NKX1-1: variants seen among roughly 807,000 people sequenced by gnomAD.
The protein encoded by NKX1-1 is NK1 homeobox 1.
A neutral mutation model predicts 1.7 loss-of-function variants in NKX1-1; 7 were observed. The ratio of observed to expected loss-of-function variants is 4.22; its 90% CI spans 2.40 to 7.92. The LOEUF (loss-of-function observed/expected upper bound fraction) is 7.92. Ranked by LOEUF, NKX1-1 falls within the 30% of genes most tolerant of loss-of-function variation. The pLI is 0.00. For missense variants in NKX1-1, 453 were observed against 171.5 expected (o/e 2.64, Z -9.17); for synonymous variants, 242 against 85.3 (o/e 2.84, Z -10.13).
chr4:1,406,093 G>A lies in NKX1-1; in HGVS notation c.350C>T (p.Ala117Val). The A allele has an allele frequency of 3.6e-6, 2 of 555,342 alleles. No homozygotes were observed. Among genetic ancestry groups the A allele is most frequent in the South Asian group, 2.2e-5 (1 of 46,042 alleles). 34.4% of individuals were successfully genotyped at this position (555,342 alleles called of 1,614,324 possible). ...GGCGGCGGGTGCAGGGGCGCATGGG[G>A]CCGAAGCGCAAGGGGCGCACGCAGC... ...APAACAPCASAPCAPAPAASG... is the reference protein window; with the variant it reads ...APAACAPCASVPCAPAPAASG... Residue 117 changes from alanine to valine, a missense_variant, in exon 1 of 2, where the codon GCC (alanine) becomes GTC (valine). Physicochemically the swap from Ala to Val is moderately conservative, Grantham distance 64. Transcript: ENST00000422806.
chr4:1,403,838 C>G, intron 1 of NKX1-1, 23 bp from the exon 2 acceptor site: 2 of 628,566 alleles, frequency 3.2e-6, no homozygotes, highest in Non-Finnish European at 5.7e-6. Flanking sequence ...GGGACAAGGA[C>G]AGGGCAGGGC....
At chr4:1,404,351 C>G (rs999270958) in intron 1 of NKX1-1, among the ~76,000 whole-genome samples, 5 of 152,216 alleles carry the variant, frequency 3.3e-5, no homozygotes, top group African/African-American at 9.6e-5. Context: ...CGGAGCCGGC[C>G]GAGAGAATGG....
In NKX1-1 at chr4:1,403,638, C is replaced by A. The variant is rs1211563186; in HGVS notation, c.641G>T (p.Arg214Leu). 3.6e-6 allele frequency: 2 copies of A among 550,074 alleles called. No individual in the cohort carries two copies. The highest frequency in any genetic ancestry group is 3.8e-5 in the Admixed American group (1 of 26,086). The allele number at this position is 550,074 out of a possible 1,614,324, so 34.1% of individuals were successfully genotyped here. Residue 214 changes from arginine to leucine, a missense_variant, in exon 2 of 2, where the codon CGG becomes CTG. Physicochemically the swap from Arg to Leu is moderately radical, Grantham distance 102. Coordinates refer to ENST00000422806, the MANE Select transcript of NKX1-1 (RefSeq NM_001290079.1). ...TEAARGAEEA[R>L]GGGGGLGARG... The stretch of plus-strand genomic sequence containing the variant: ...GGCCCCGAGGCCGCCGCCGCCTCCC[C>A]GCGCCTCCTCCGCGCCTCGCGCCGC...
rs566842549 is a variant in NKX1-1, at chr4:1,403,403, C to G, written c.876G>C (p.Lys292Asn). ...PKRKRTGSDS[K>N]SGKPRRARTA... ...TGCGCGCTCGCCGCGGCTTCCCGGA[C>G]TTGGAGTCGGACCCCGTGCGCTTCC... The change falls in exon 2 of 2, where the codon AAG becomes AAC. Residue 292 changes from lysine (K) to asparagine (N), a missense_variant. Lys to Asn is a moderately conservative substitution (Grantham distance 94). Coordinates refer to ENST00000422806, the MANE Select transcript of NKX1-1 (RefSeq NM_001290079.1). The G allele has an allele frequency of 1.2e-4, 79 of 670,046 alleles. No individual in the cohort carries two copies. Among genetic ancestry groups the G allele is most frequent in the Non-Finnish European group, 1.9e-4 (70 of 371,992 alleles). 41.5% of individuals were successfully genotyped at this position (670,046 alleles called of 1,614,324 possible). A position where few individuals can be genotyped will look rare whatever the true frequency, so the allele number is the denominator to read the frequency against.
rs754211092 is a variant in NKX1-1 at position 1,403,420 on chromosome 4, T to C, written c.859A>G (p.Thr287Ala). The change falls in exon 2 of 2, where the codon ACG (threonine) becomes GCG (alanine). Residue 287 changes from threonine (T) to alanine (A), a missense_variant. Thr to Ala is a moderately conservative substitution (Grantham distance 58, BLOSUM62 0). Coordinates refer to ENST00000422806, the MANE Select transcript of NKX1-1 (RefSeq NM_001290079.1). ...TTCCCGGACTTGGAGTCGGACCCCGTGCGCTTCCGCTTGGGCTTCGCCGCC... is the reference window on the plus strand; with the variant it reads ...TTCCCGGACTTGGAGTCGGACCCCGCGCGCTTCCGCTTGGGCTTCGCCGCC... ...ATAAKPKRKR[T>A]GSDSKSGKPR... 92 of 651,888 alleles carry C rather than the reference T, an allele frequency of 1.4e-4. No homozygotes were observed. The highest frequency in any genetic ancestry group is 2.2e-4 in the Non-Finnish European group (78 of 360,990). The allele number at this position is 651,888 out of a possible 1,614,324, so 40.4% of individuals were successfully genotyped here. A position where few individuals can be genotyped will look rare whatever the true frequency, so the allele number is the denominator to read the frequency against.
At chr4:1,405,775 C>T (rs1720738672) in intron 1 of NKX1-1, among the ~76,000 whole-genome samples, 1 of 152,224 alleles carries the variant, frequency 6.6e-6, no homozygotes, top group South Asian at 2.1e-4. Context: ...CTAAGCTTCT[C>T]CAGAGGAGCC....
chr4:1,403,545 G>T lies in NKX1-1; in HGVS notation c.734C>A (p.Ala245Glu). 1 of 457,548 alleles carries T rather than the reference G, an allele frequency of 2.2e-6. No individual in the cohort carries two copies. The allele number at this position is 457,548 out of a possible 1,614,324, so 28.3% of individuals were successfully genotyped here. ...ASPGATVDEAAAPGPRENSPV... is the reference protein window; with the variant it reads ...ASPGATVDEAEAPGPRENSPV... The stretch of plus-strand genomic sequence containing the variant: ...CGAGTTCTCGCGGGGTCCGGGGGCC[G>T]CTGCCTCGTCGACGGTGGCTCCGGG... Residue 245 changes from alanine (A) to glutamate (E), a missense_variant, in exon 2 of 2, where the codon GCG becomes GAG. Ala to Glu is a moderately radical substitution (Grantham distance 107). Coordinates refer to ENST00000422806, the MANE Select transcript of NKX1-1 (RefSeq NM_001290079.1).
Position 1,403,398 on chromosome 4 carries a change from C to G in NKX1-1, c.881G>C (p.Gly294Ala). 1 of 677,306 alleles carries G rather than the reference C, an allele frequency of 1.5e-6. No homozygotes were observed. The highest frequency in any genetic ancestry group is 2.6e-6 in the Non-Finnish European group (1 of 377,670). 42.0% of individuals were successfully genotyped at this position (677,306 alleles called of 1,614,324 possible). ...GGCGGTGCGCGCTCGCCGCGGCTTC[C>G]CGGACTTGGAGTCGGACCCCGTGCG... The part of the protein sequence containing the change: ...RKRTGSDSKS[G>A]KPRRARTAFT... The change falls in exon 2 of 2, where the codon GGG (glycine) becomes GCG (alanine). Residue 294 changes from glycine to alanine, a missense_variant. Transcript: ENST00000422806.
Position 1,406,437 on chromosome 4 carries a change from G to A in NKX1-1, c.6C>T (p.Ser2=), listed in dbSNP as rs1720753788. ...CCCCAGGAGCCTCGGGGCCGCTAGC[G>A]CTCATGCCGGCCTCCCGCCGCTCCG... is the stretch of plus-strand genomic sequence containing the variant. The part of the protein sequence containing the change: M[S]ASGPEAPGDI... The change falls in exon 1 of 2, where the codon AGC becomes AGT. Residue 2 remains serine (S), a synonymous_variant. Coordinates refer to ENST00000422806, the MANE Select transcript of NKX1-1 (RefSeq NM_001290079.1). 3 of 336,932 alleles carry A rather than the reference G, an allele frequency of 8.9e-6. No homozygotes were observed. 20.9% of individuals were successfully genotyped at this position (336,932 alleles called of 1,614,324 possible).
Position 1,403,273 on chromosome 4 carries a change from T to A in NKX1-1, c.1006A>T (p.Thr336Ser). ...RLNLALSLSL[T>S]ETQVKIWFQN... ...AACCAGATCTTCACCTGCGTCTCGGTGAGGCTGAGCGACAGCGCCAGGTTG... is the reference window on the plus strand; with the variant it reads ...AACCAGATCTTCACCTGCGTCTCGGAGAGGCTGAGCGACAGCGCCAGGTTG... The change falls in exon 2 of 2, where the codon ACC becomes TCC. Residue 336 changes from threonine to serine, a missense_variant. Physicochemically the swap from Thr to Ser is moderately conservative, Grantham distance 58. Transcript: ENST00000422806. 1.4e-6 allele frequency: 1 copy of A among 736,374 alleles called. No individual in the cohort carries two copies. 45.6% of individuals were successfully genotyped at this position (736,374 alleles called of 1,614,324 possible). A position where few individuals can be genotyped will look rare whatever the true frequency, so the allele number is the denominator to read the frequency against.
chr4:1,404,804 G>C (rs1720722249), intron 1 of NKX1-1, among the ~76,000 whole-genome samples: 1 of 152,174 alleles, frequency 6.6e-6, no homozygotes, highest in Non-Finnish European at 1.5e-5. Flanking sequence ...GGTAAGAAAT[G>C]ACCAATCGCT....
chr4:1,406,113 C>A lies in NKX1-1; in HGVS notation c.330G>T (p.Ala110=). The change falls in exon 1 of 2, where the codon GCG becomes GCT. Residue 110 remains alanine (A), a synonymous_variant. Transcript: ENST00000422806. ...CVLLGPVAPA[A]CAPCASAPCA... ...ATGGGGCCGAAGCGCAAGGGGCGCA[C>A]GCAGCGGGAGCCACTGGGCCCAGCA... 1 of 585,446 alleles carries A rather than the reference C, an allele frequency of 1.7e-6. No individual in the cohort carries two copies. Among genetic ancestry groups the A allele is most frequent in the Non-Finnish European group, 3.0e-6 (1 of 328,642 alleles). The allele number at this position is 585,446 out of a possible 1,614,324, so 36.3% of individuals were successfully genotyped here. A position where few individuals can be genotyped will look rare whatever the true frequency, so the allele number is the denominator to read the frequency against.
chr4:1,405,541 C>G (rs569640135), intron 1 of NKX1-1, among the ~76,000 whole-genome samples: 1 of 149,972 alleles, frequency 6.7e-6, no homozygotes, highest in East Asian at 2.0e-4. Context: ...CGATAACCAG[C>G]GTTTTGTCAC....
chr4:1,404,075 G>A (rs1177346593), intron 1 of NKX1-1, among the ~76,000 whole-genome samples: 1 of 152,108 alleles, frequency 6.6e-6, no homozygotes, highest in Non-Finnish European at 1.5e-5. Context: ...CCCTCGCCCC[G>A]CGCTGCCCGT....
chr4:1,404,927 C>A (rs905347147), intron 1 of NKX1-1, among the ~76,000 whole-genome samples: 25 of 152,242 alleles, frequency 1.6e-4, no homozygotes, highest in Non-Finnish European at 3.4e-4. Context: ...CCGCGAGCGC[C>A]GTCCCAGCCC....
intron 1 of NKX1-1, among the ~76,000 whole-genome samples, chr4:1,405,009 C>G (rs1363077426): frequency 6.6e-6 from 1 of 152,242 alleles, no homozygotes; most frequent in East Asian, 1.9e-4. Context: ...CAGCGGGATC[C>G]CGGCCTTCCG....
In NKX1-1 at chr4:1,406,088, AT is replaced by A; in HGVS notation, c.354del (p.Cys119AlafsTer222). On this transcript the variant is annotated frameshift_variant, in exon 1 of 2. Coordinates refer to ENST00000422806, the MANE Select transcript of NKX1-1 (RefSeq NM_001290079.1). LOFTEE classifies it high-confidence loss of function. ...CCCGAGGCGGCGGGTGCAGGGGCGC[AT>A]GGGGCCGAAGCGCAAGGGGCGCACG... Reference protein sequence around the residue: ...PAACAPCASAPCAPAPAASGR... With the variant: ...PAACAPCASAXCAPAPAASGR... 1.9e-6 allele frequency: 1 copy of A among 539,104 alleles called. No individual in the cohort carries two copies. Among genetic ancestry groups the A allele is most frequent in the South Asian group, 2.4e-5 (1 of 42,116 alleles). The allele number at this position is 539,104 out of a possible 1,614,324, so 33.4% of individuals were successfully genotyped here. A position where few individuals can be genotyped will look rare whatever the true frequency, so the allele number is the denominator to read the frequency against.
chr4:1,403,853 A>G, intron 1 of NKX1-1, 38 bp from the exon 2 acceptor site: 1 of 589,298 alleles, frequency 1.7e-6, no homozygotes, highest in Non-Finnish European at 3.0e-6. Flanking sequence ...CAGGGCAGTT[A>G]GGACCGGCCG....
chr4:1,404,577 G>C (rs893535833), intron 1 of NKX1-1, among the ~76,000 whole-genome samples: 1 of 152,186 alleles, frequency 6.6e-6, no homozygotes. Flanking sequence ...CCGGTCGGCC[G>C]AGTCTGAACA....
Sources: gnomAD v4.1 joint callset for allele counts (sites outside exome capture counted in the v4.1 genomes callset) on GRCh38, gnomAD v4.1.1 for gene constraint, MANE v1.5 for transcripts, NCBI Gene and HGNC (gene_info 2026-07-23, HGNC 2026-07-21) for gene names.